GPS1: variants seen among roughly 807,000 people sequenced by gnomAD.
GPS1 encodes COP9 signalosome complex subunit 1.
GPS1 carries 11 observed loss-of-function variants against 60.0 expected under a neutral mutation model. The observed-to-expected ratio is 0.18, with a 90% CI of 0.12 to 0.30. GPS1 has a LOEUF of 0.30. Ranked by LOEUF, GPS1 falls within the 10% of genes least tolerant of loss-of-function variation. The probability of loss-of-function intolerance (pLI) is 1.00; values close to 1 mark genes in which losing one functional copy is unlikely to be tolerated. For synonymous variants in GPS1, 343 were observed against 269.8 expected (o/e 1.27, Z -2.66); for missense variants, 543 against 669.2 (o/e 0.81, Z 2.08).
chr17:82,053,406 T>C, intron 2 of GPS1, 40 bp downstream of exon 2: 1 of 1,376,656 alleles, frequency 7.3e-7, no homozygotes, highest in Non-Finnish European at 9.6e-7. Flanking sequence ...GTCTCAGTCC[T>C]GCTGAGGGGT....
At position 82,056,629 on chromosome 17, in the gene GPS1, T is replaced by C. The variant is rs1302309472; in HGVS notation, c.1117T>C (p.Tyr373His). The C allele has an allele frequency of 1.2e-6, 2 of 1,611,260 alleles. No homozygotes were observed. Among genetic ancestry groups the C allele is most frequent in the Non-Finnish European group, 1.7e-6 (2 of 1,179,180 alleles). The change falls in exon 11 of 13, where the codon TAT becomes CAT. Residue 373 changes from tyrosine (Y) to histidine (H), a missense_variant and splice_region_variant. Tyr to His is a moderately conservative substitution (Grantham distance 83). Transcript: ENST00000578552. The stretch of plus-strand genomic sequence containing the variant: ...GAGCTGACTTCCCTCTGCCCTGCAG[T>C]ATTTCAGCCCCTACGTGTCAGCCGA... The part of the protein sequence containing the change: ...TQIRNRALIQ[Y>H]FSPYVSADMH...
rs756551905 is a variant in GPS1 at position 82,054,803 on chromosome 17, T to C, written c.602T>C (p.Val201Ala). ...CACGTCATCAACATGTGCCTCAATG[T>C]CATCAAGGTCGGCCTGCCTCGGCGG... Reference protein sequence around the residue: ...AKHVINMCLNVIKVSVYLQNW... With the variant: ...AKHVINMCLNAIKVSVYLQNW... The change falls in exon 4 of 13, where the codon GTC (valine) becomes GCC (alanine). Residue 201 changes from valine to alanine, a missense_variant. Val to Ala is a moderately conservative substitution (Grantham distance 64). Transcript: ENST00000578552. 1.3e-6 allele frequency: 2 copies of C among 1,595,806 alleles called. No individual in the cohort carries two copies.
In GPS1 at chr17:82,053,336, C is replaced by T. The variant is rs201940978; in HGVS notation, c.96C>T (p.Asp32=). ...AGGAAGACCCGCAGAATGCACCTGA[C>T]GTCAACTACGTGGTGGAGAACCCCA... is the stretch of plus-strand genomic sequence containing the variant. ...DPQEDPQNAP[D]VNYVVENPSL... Residue 32 remains aspartate (D), a synonymous_variant, in exon 2 of 13, where the codon GAC becomes GAT. Transcript: ENST00000578552. 15 of 1,535,820 alleles carry T rather than the reference C, an allele frequency of 9.8e-6. No individual in the cohort carries two copies. Among genetic ancestry groups the T allele is most frequent in the East Asian group, 2.5e-5 (1 of 39,442 alleles).
upstream of GPS1, chr17:82,051,367 C>T (rs2030543754): frequency 6.9e-7 from 1 of 1,458,198 alleles, no homozygotes; most frequent in Non-Finnish European, 9.0e-7. This position sits in a 1 kb window ranked among gnomAD's most constrained non-coding sequence, Gnocchi z 4.1. Context: ...ATCTATGAGG[C>T]TTCTGGGGCG....
chr17:82,054,987 C>T lies in GPS1; in HGVS notation c.687+12C>T. On this transcript the variant is annotated intron_variant, in intron 5 of 12. Coordinates refer to ENST00000578552, the MANE Select transcript of GPS1 (RefSeq NM_001321092.3). ...CAGAGATTGCCGAGGTACGGGCCACCTCCTCAGAGACCTTGCCCCCAGGAT... is the reference window on the plus strand; with the variant it reads ...CAGAGATTGCCGAGGTACGGGCCACTTCCTCAGAGACCTTGCCCCCAGGAT... 1.2e-6 allele frequency: 2 copies of T among 1,613,058 alleles called. No homozygotes were observed. The highest frequency in any genetic ancestry group is 1.7e-6 in the Non-Finnish European group (2 of 1,179,932).
At chr17:82,052,691 G>A (rs1421065621) in intron 1 of GPS1, 11 of 562,746 alleles carry the variant, frequency 2.0e-5, no homozygotes, top group South Asian at 6.5e-5. Context: ...CCGGCATGGC[G>A]GCTTTTCCAG....
upstream of GPS1, chr17:82,051,446 G>A: frequency 7.4e-7 from 1 of 1,349,790 alleles, no homozygotes; most frequent in South Asian, 1.9e-5. The surrounding 1 kb of genome is among the most constrained non-coding windows in gnomAD (Gnocchi z 4.1). Context: ...CTAGACCCTG[G>A]GAGGCGGGGC....
At chr17:82,051,076 C>G (rs1309751776), upstream of GPS1, 2 of 1,368,382 alleles carry the variant, frequency 1.5e-6, no homozygotes, top group Non-Finnish European at 1.9e-6. The surrounding 1 kb of genome is among the most constrained non-coding windows in gnomAD (Gnocchi z 4.1). Context: ...GCCCCACGCC[C>G]CGGGAAGCGG....
chr17:82,052,264 C>T (rs548018929), intron 1 of GPS1: 1 of 1,611,434 alleles, frequency 6.2e-7, no homozygotes. Flanking sequence ...AGCAGCCAGC[C>T]AGCTCTGTGT....
upstream of GPS1, chr17:82,051,373 G>C: frequency 6.9e-7 from 1 of 1,452,804 alleles, no homozygotes; most frequent in Non-Finnish European, 9.0e-7. The surrounding 1 kb of genome is among the most constrained non-coding windows in gnomAD (Gnocchi z 4.1). Flanking sequence ...GAGGCTTCTG[G>C]GGCGCTGCCC....
In GPS1 at chr17:82,056,067, G is replaced by A. The variant is rs1203427629; in HGVS notation, c.901G>A (p.Glu301Lys). Residue 301 changes from glutamate to lysine, a missense_variant, in exon 8 of 13, where the codon GAG (glutamate) becomes AAG (lysine). Glu to Lys is a moderately conservative substitution (Grantham distance 56, BLOSUM62 1). Transcript: ENST00000578552. ...LCALATFDRQELQRNVISSSS... is the reference protein window; with the variant it reads ...LCALATFDRQKLQRNVISSSS... ...CGCCTTGGCTACCTTTGACCGGCAG[G>A]AGCTGCAGCGCAATGTCATCTCCAG... is the stretch of plus-strand genomic sequence containing the variant. 2 of 1,612,464 alleles carry A rather than the reference G, an allele frequency of 1.2e-6. No homozygotes were observed. Among genetic ancestry groups the A allele is most frequent in the African/African-American group, 2.7e-5 (2 of 74,930 alleles).
chr17:82,054,855 A>G, intron 4 of GPS1, 43 bp from the exon 5 acceptor site: 1 of 1,570,804 alleles, frequency 6.4e-7, no homozygotes, highest in Non-Finnish European at 8.6e-7. Flanking sequence ...TGGCTGGGCC[A>G]TTGGGGCGCC....
At chr17:82,051,475 C>T, upstream of GPS1, 1 of 1,349,564 alleles carries the variant, frequency 7.4e-7, no homozygotes, top group Non-Finnish European at 9.5e-7. The surrounding 1 kb of genome is among the most constrained non-coding windows in gnomAD (Gnocchi z 4.1). Flanking sequence ...GTGGGGCTCG[C>T]CGTCGGGGTC....
At chr17:82,052,820 G>T in intron 1 of GPS1, 2 of 330,672 alleles carry the variant, frequency 6.0e-6, no homozygotes, top group Non-Finnish European at 5.8e-6. Flanking sequence ...TCTCAGCCCA[G>T]TATTGCTGCT....
At position 82,056,712 on chromosome 17, in the gene GPS1, G is replaced by A. The variant is rs777280679; in HGVS notation, c.1200G>A (p.Leu400=). The change falls in exon 11 of 13, where the codon CTG becomes CTA. Residue 400 remains leucine (L), a synonymous_variant. Transcript: ENST00000578552. Reference sequence around the variant, plus strand: ...CGGTGGCCGCCCTGGAGGACGAGCTGACGCAGCTAATCCTGGAGGGGCTGA... The same window carrying A: ...CGGTGGCCGCCCTGGAGGACGAGCTAACGCAGCTAATCCTGGAGGGGCTGA... ...NTTVAALEDE[L]TQLILEGLIS... 6 of 1,591,390 alleles carry A rather than the reference G, an allele frequency of 3.8e-6. No homozygotes were observed. The highest frequency in any genetic ancestry group is 1.3e-5 in the African/African-American group (1 of 74,684).
rs1413856905 is a variant in GPS1 at position 82,057,042 on chromosome 17, C to G, written c.1390-11C>G. 2 of 1,605,822 alleles carry G rather than the reference C, an allele frequency of 1.2e-6. No individual in the cohort carries two copies. The highest frequency in any genetic ancestry group is 1.7e-6 in the Non-Finnish European group (2 of 1,175,570). On this transcript the variant is annotated splice_polypyrimidine_tract_variant and intron_variant, in intron 12 of 12. Transcript: ENST00000578552. ...CTGGTGGCTGTGAGCTGCTCCTTGT[C>G]TCCCCTGCAGTCCCCGCCCAGAGAA...
At chr17:82,052,116 G>T in intron 1 of GPS1, 152 bp downstream of exon 1, 1 of 856,720 alleles carries the variant, frequency 1.2e-6, no homozygotes, top group African/African-American at 1.8e-5. Flanking sequence ...GTCGGGGGCT[G>T]CAGGGCCGAG....
intron 1 of GPS1, 195 bp downstream of exon 1, chr17:82,052,159 CG>C: frequency 5.2e-6 from 6 of 1,151,000 alleles, no homozygotes; most frequent in Non-Finnish European, 5.8e-6. Flanking sequence ...GCGCTGCGAT[CG>C]GGGGCCGCCG....
At position 82,056,010 on chromosome 17, in the gene GPS1, C is replaced by G. The variant is rs776782935; in HGVS notation, c.844C>G (p.Pro282Ala). 42 of 1,610,452 alleles carry G rather than the reference C, an allele frequency of 2.6e-5. No individual in the cohort carries two copies. Among genetic ancestry groups the G allele is most frequent in the Admixed American group, 1.7e-4 (10 of 59,990 alleles). Residue 282 changes from proline to alanine, a missense_variant, in exon 8 of 13, where the codon CCC becomes GCC. Coordinates refer to ENST00000578552, the MANE Select transcript of GPS1 (RefSeq NM_001321092.3). ...GGTCTCTGCTCCTCAGCTGCTGTCC[C>G]CCAGCAACGTGGCCATCTACGGTGG... ...DHCDFPELLS[P>A]SNVAIYGGLC...
Sources: gnomAD v4.1 joint callset for allele counts on GRCh38, gnomAD v4.1.1 for gene constraint, Gnocchi (gnomAD v3.1) non-coding constraint, MANE v1.5 for transcripts, NCBI Gene and HGNC (gene_info 2026-07-23, HGNC 2026-07-21) for gene names.